The following CEP63 variants were observed in gnomAD, a reference collection of about 807,000 sequenced individuals.
The protein encoded by CEP63 is centrosomal protein of 63 kDa.
CEP63 carries 84 observed loss-of-function variants against 89.1 expected under a neutral mutation model. The observed-to-expected ratio is 0.94, with a 90% CI of 0.79 to 1.13. CEP63 has a LOEUF of 1.13. Ranked by LOEUF, CEP63 falls within the 50% of genes most tolerant of loss-of-function variation. CEP63 has a pLI of 0.00. For synonymous variants in CEP63, 267 were observed against 272.5 expected (o/e 0.98, Z 0.20); for missense variants, 838 against 813.3 (o/e 1.03, Z -0.37).
the CEP63 span, among the ~76,000 whole-genome samples, chr3:134,672,453 A>G: frequency 6.6e-6 from 1 of 152,338 alleles, no homozygotes. Context: ...AATAAGGCCA[A>G]GGAGAATATG....
chr3:134,647,166 TC>T, the CEP63 span, among the ~76,000 whole-genome samples: 1 of 152,166 alleles, frequency 6.6e-6, no homozygotes, highest in Non-Finnish European at 1.5e-5. Context: ...TGTTAAGTCC[TC>T]CCCTACGGCT....
the CEP63 span, among the ~76,000 whole-genome samples, chr3:134,667,200 T>TC: frequency 6.6e-6 from 1 of 152,006 alleles, no homozygotes; most frequent in Non-Finnish European, 1.5e-5. Flanking sequence ...CCAGCTCACT[T>TC]CCCCCCGACT....
At chr3:134,665,159 T>C in the CEP63 span, among the ~76,000 whole-genome samples, 8 of 152,172 alleles carry the variant, frequency 5.3e-5, no homozygotes, top group African/African-American at 1.9e-4. Flanking sequence ...CATCTCCTGA[T>C]ATGAAGGGGA....
chr3:134,547,722 G>T (rs1325056306), intron 9 of CEP63, among the ~76,000 whole-genome samples: 1 of 149,174 alleles, frequency 6.7e-6, no homozygotes, highest in East Asian at 2.1e-4. Flanking sequence ...TGATTCTTCT[G>T]CCCCAGCCTC....
the CEP63 span, chr3:134,651,725 G>C: frequency 1.6e-6 from 1 of 621,640 alleles, no homozygotes; most frequent in Non-Finnish European, 2.0e-6. Flanking sequence ...GTTCGTTCTA[G>C]AAGCCTGGCT....
the CEP63 span, among the ~76,000 whole-genome samples, chr3:134,650,350 G>A: frequency 3.9e-5 from 6 of 152,146 alleles, no homozygotes; most frequent in Admixed American, 2.0e-4. Context: ...AGAAACTGAG[G>A]CTGTAAATTG....
intron 10 of CEP63, among the ~76,000 whole-genome samples, chr3:134,586,713 A>G (rs1185564320): frequency 6.6e-6 from 1 of 151,890 alleles, no homozygotes; most frequent in Non-Finnish European, 1.5e-5. Flanking sequence ...TGTTCTCTGT[A>G]TTTCCTGAAT....
downstream of CEP63, among the ~76,000 whole-genome samples, chr3:134,589,257 G>A (rs1260954678): frequency 6.6e-6 from 1 of 152,054 alleles, no homozygotes; most frequent in Non-Finnish European, 1.5e-5. Flanking sequence ...AAAAAGACAA[G>A]TACAGACTCT....
the CEP63 span, among the ~76,000 whole-genome samples, chr3:134,781,043 TC>T: frequency 6.6e-6 from 1 of 152,230 alleles, no homozygotes; most frequent in African/African-American, 2.4e-5. Context: ...TTGTAATACT[TC>T]CCTTGACATG....
chr3:134,752,379 C>T, the CEP63 span, among the ~76,000 whole-genome samples: 1 of 152,112 alleles, frequency 6.6e-6, no homozygotes, highest in South Asian at 2.1e-4. Context: ...ATATGAGCTG[C>T]GTGCATGATA....
At chr3:134,612,269 C>T in the CEP63 span, among the ~76,000 whole-genome samples, 1 of 152,202 alleles carries the variant, frequency 6.6e-6, no homozygotes, top group African/African-American at 2.4e-5. Flanking sequence ...TGGGGACAGA[C>T]TGCAAGAGAA....
chr3:134,650,698 T>TG, the CEP63 span: 1 of 820,622 alleles, frequency 1.2e-6, no homozygotes, highest in South Asian at 1.9e-5. Flanking sequence ...ACGGCAGCCA[T>TG]GGGGGAGAGG....
At chr3:134,662,294 A>AG in the CEP63 span, among the ~76,000 whole-genome samples, 1 of 151,646 alleles carries the variant, frequency 6.6e-6, no homozygotes, top group Non-Finnish European at 1.5e-5. Flanking sequence ...AAAAAAAAAA[A>AG]AAGAAGGTGC....
the CEP63 span, among the ~76,000 whole-genome samples, chr3:134,648,023 A>T: frequency 1.3e-5 from 2 of 152,202 alleles, no homozygotes; most frequent in East Asian, 1.9e-4. Flanking sequence ...CCTGTGTTTC[A>T]CTCTGCCTTG....
At chr3:134,779,189 G>A in the CEP63 span, among the ~76,000 whole-genome samples, 4 of 152,100 alleles carry the variant, frequency 2.6e-5, no homozygotes, top group Non-Finnish European at 5.9e-5. Context: ...TAAATATAGT[G>A]TACATATATA....
the CEP63 span, among the ~76,000 whole-genome samples, chr3:134,762,053 C>T: frequency 6.6e-6 from 1 of 152,140 alleles, no homozygotes; most frequent in South Asian, 2.1e-4. Context: ...ACCTTGACAT[C>T]AATCCCTCAG....
chr3:134,679,956 T>C, the CEP63 span, among the ~76,000 whole-genome samples: 1 of 152,182 alleles, frequency 6.6e-6, no homozygotes, highest in African/African-American at 2.4e-5. Context: ...ACTCCTGGGC[T>C]CATGCCAGCC....
the CEP63 span, among the ~76,000 whole-genome samples, chr3:134,632,463 G>A: frequency 6.6e-6 from 1 of 151,902 alleles, no homozygotes; most frequent in Non-Finnish European, 1.5e-5. Context: ...AAAGCAACTG[G>A]AAAATGTCCA....
chr3:134,768,027 GTGC>G, the CEP63 span, among the ~76,000 whole-genome samples: 1 of 152,218 alleles, frequency 6.6e-6, no homozygotes, highest in Non-Finnish European at 1.5e-5. Context: ...GTGTCAGAGT[GTGC>G]TCTGGGAGCT....
Sources: gnomAD v4.1 joint callset for allele counts (sites outside exome capture counted in the v4.1 genomes callset) on GRCh38, gnomAD v4.1.1 for gene constraint, MANE v1.5 for transcripts, NCBI Gene and HGNC (gene_info 2026-07-23, HGNC 2026-07-21) for gene names.